PDE4D: variants seen among roughly 807,000 people sequenced by gnomAD.
PDE4D encodes the protein 3',5'-cyclic-AMP phosphodiesterase 4D.
PDE4D carries 24 observed loss-of-function variants against 87.4 expected under a neutral mutation model. The observed-to-expected ratio is 0.27, with a 90% CI of 0.20 to 0.39. The LOEUF is 0.39. Ranked by LOEUF, PDE4D falls within the 10% of genes least tolerant of loss-of-function variation. PDE4D has a pLI of 1.00. For synonymous variants in PDE4D, 384 were observed against 383.2 expected (o/e 1.00, Z -0.02); for missense variants, 714 against 1,041.0 (o/e 0.69, Z 4.32).
intron 1 of PDE4D, among the ~76,000 whole-genome samples, chr5:59,687,926 C>G (rs61430556): frequency 0.024 from 3,720 of 152,214 alleles, 151 homozygotes; most frequent in African/African-American, 0.085. Flanking sequence ...ATCCTAGTCT[C>G]TGATAAAACA....
At chr5:60,396,369 C>T (rs147844248) in intron 1 of PDE4D, among the ~76,000 whole-genome samples, 341 of 152,258 alleles carry the variant, frequency 2.2e-3, no homozygotes, top group Non-Finnish European at 3.9e-3. Context: ...AAAGACCCTG[C>T]CACATATTTC....
intron 1 of PDE4D, among the ~76,000 whole-genome samples, chr5:60,308,435 G>T (rs755712023): frequency 2.0e-5 from 3 of 152,176 alleles, no homozygotes; most frequent in African/African-American, 7.2e-5. Flanking sequence ...CCACCCACTT[G>T]TGGGTCTGTT....
At chr5:59,768,710 A>G in intron 1 of PDE4D, 1 of 1,289,628 alleles carries the variant, frequency 7.8e-7, no homozygotes, top group Non-Finnish European at 1.0e-6. Flanking sequence ...ATTAAACGTC[A>G]CCCCTCCTCT....
intron 1 of PDE4D, among the ~76,000 whole-genome samples, chr5:59,494,654 G>C (rs538559179): frequency 6.6e-6 from 1 of 152,216 alleles, no homozygotes; most frequent in Non-Finnish European, 1.5e-5. Context: ...TACTAAGGTT[G>C]CACAGTCTTT....
chr5:59,106,186 G>C (rs1174908161), intron 5 of PDE4D, among the ~76,000 whole-genome samples: 1 of 152,120 alleles, frequency 6.6e-6, no homozygotes, highest in Admixed American at 6.5e-5. Context: ...CACAGTTTCA[G>C]GAAGTTCACT....
intron 3 of PDE4D, among the ~76,000 whole-genome samples, chr5:59,932,531 T>G (rs1465447156): frequency 1.3e-5 from 2 of 152,132 alleles, no homozygotes; most frequent in African/African-American, 2.4e-5. Context: ...CAGAGTGGGG[T>G]TAAGTAACCT....
chr5:59,472,125 G>A (rs1802543789), intron 1 of PDE4D, among the ~76,000 whole-genome samples: 1 of 152,068 alleles, frequency 6.6e-6, no homozygotes, highest in Non-Finnish European at 1.5e-5. Flanking sequence ...ATACGGTCTT[G>A]GAAATATAAT....
intron 1 of PDE4D, among the ~76,000 whole-genome samples, chr5:59,634,201 A>T (rs1831952780): frequency 6.6e-6 from 1 of 152,236 alleles, no homozygotes; most frequent in African/African-American, 2.4e-5. Flanking sequence ...TGAAATATAT[A>T]TGCACCCAAT....
intron 5 of PDE4D, among the ~76,000 whole-genome samples, chr5:59,105,546 T>C (rs1275914048): frequency 6.6e-6 from 1 of 152,072 alleles, no homozygotes; most frequent in Non-Finnish European, 1.5e-5. Flanking sequence ...TTACAAATCC[T>C]GAGGTTAAAG....
intron 1 of PDE4D, among the ~76,000 whole-genome samples, chr5:59,426,180 T>C (rs1272725018): frequency 1.3e-5 from 2 of 152,216 alleles, no homozygotes; most frequent in African/African-American, 4.8e-5. Context: ...TGCTGACACC[T>C]TGACCTTGGA....
At position 60,389,812 on chromosome 5, in the gene PDE4D, T is replaced by C. The variant is rs114724829; in HGVS notation, c.-90+98130A>G. 1.4e-3 allele frequency among the ~76,000 whole-genome samples: 219 copies of C among 152,254 alleles called. 1 individual carries two copies. Among genetic ancestry groups the C allele is most frequent in the African/African-American group, 3.6e-3 (149 of 41,552 alleles). On this transcript the variant is annotated intron_variant, in intron 1 of 16. Coordinates refer to the PDE4D transcript ENST00000502484. ...ATTTCTGAAGGTCTGCACCAGAAAC[T>C]GACACCTCTACCCCATCCCATTGGT...
intron 1 of PDE4D, among the ~76,000 whole-genome samples, chr5:60,330,256 A>G (rs943606568): frequency 6.6e-6 from 1 of 152,224 alleles, no homozygotes; most frequent in African/African-American, 2.4e-5. Context: ...TAAGTATTCT[A>G]TGTACCAGGC....
chr5:59,365,879 A>G (rs982336026), intron 1 of PDE4D, among the ~76,000 whole-genome samples: 1 of 152,186 alleles, frequency 6.6e-6, no homozygotes. Context: ...CTTCTTATAC[A>G]CATAAAGAAA....
chr5:60,168,178 A>G (rs976924091), intron 2 of PDE4D, among the ~76,000 whole-genome samples: 5 of 152,354 alleles, frequency 3.3e-5, no homozygotes, highest in African/African-American at 4.8e-5. Context: ...ATTAATATTG[A>G]TAAGTAAAGT....
At chr5:59,167,875 G>C (rs1278046059) in intron 5 of PDE4D, among the ~76,000 whole-genome samples, 2 of 152,014 alleles carry the variant, frequency 1.3e-5, no homozygotes, top group African/African-American at 2.4e-5. Context: ...ACATACTAGG[G>C]ACTAAATGAG....
intron 1 of PDE4D, among the ~76,000 whole-genome samples, chr5:59,798,503 A>G (rs2152661210): frequency 6.6e-6 from 1 of 152,240 alleles, no homozygotes; most frequent in South Asian, 2.1e-4. Context: ...GACGTAAAGC[A>G]CTAAATGCCA....
chr5:59,333,830 T>C (rs866029058), intron 1 of PDE4D, among the ~76,000 whole-genome samples: 1 of 152,164 alleles, frequency 6.6e-6, no homozygotes, highest in African/African-American at 2.4e-5. Flanking sequence ...ATCTTTAATT[T>C]TCATATCCTA....
chr5:59,942,958 G>T (rs1379868693), intron 3 of PDE4D, among the ~76,000 whole-genome samples: 1 of 152,014 alleles, frequency 6.6e-6, no homozygotes, highest in East Asian at 1.9e-4. Flanking sequence ...CATGGGTAAA[G>T]AATGCTGCTA....
At chr5:59,615,685 A>G (rs1466750639) in intron 1 of PDE4D, among the ~76,000 whole-genome samples, 2 of 152,192 alleles carry the variant, frequency 1.3e-5, no homozygotes, top group Non-Finnish European at 2.9e-5. Context: ...TTCACATTTC[A>G]GTCTCAGTAG....
Sources: allele counts gnomAD v4.1 joint callset (sites outside exome capture counted in the v4.1 genomes callset), GRCh38; gene constraint gnomAD v4.1.1; transcripts MANE v1.5; gene names NCBI Gene and HGNC (gene_info 2026-07-23, HGNC 2026-07-21).